The following VPS53 variants were observed in gnomAD, a reference collection of about 807,000 sequenced individuals.
The protein encoded by VPS53 is VPS53 subunit of GARP complex, also known as vacuolar protein sorting-associated protein 53 homolog.
In VPS53, 70 loss-of-function variants were observed where a neutral mutation model predicts 107.0. That is an observed-to-expected ratio of 0.65 (90% CI 0.54 to 0.80). The LOEUF is 0.80. Among genes scored for constraint, VPS53 ranks in the 30% least tolerant of loss-of-function variants. VPS53 has a pLI of 0.00. For synonymous variants in VPS53, 409 were observed against 393.3 expected (o/e 1.04, Z -0.47); for missense variants, 917 against 1,049.4 (o/e 0.87, Z 1.74).
intron 1 of VPS53, among the ~76,000 whole-genome samples, chr17:712,722 A>G (rs1346398545): frequency 6.6e-6 from 1 of 152,232 alleles, no homozygotes; most frequent in Non-Finnish European, 1.5e-5. Context: ...CAAAATAGGA[A>G]AAATGTCAGA....
At chr17:625,995 G>A (rs1302220127) in intron 10 of VPS53, among the ~76,000 whole-genome samples, 4 of 152,060 alleles carry the variant, frequency 2.6e-5, no homozygotes, top group African/African-American at 9.7e-5. Context: ...AGAATAAAAG[G>A]AGTTCAAGAC....
At chr17:671,061 T>C (rs1971918000) in intron 4 of VPS53, among the ~76,000 whole-genome samples, 1 of 151,984 alleles carries the variant, frequency 6.6e-6, no homozygotes, top group South Asian at 2.1e-4. Flanking sequence ...TGAAACCCCG[T>C]CTCTTCTAAA....
chr17:708,483 C>G (rs1408735823), intron 2 of VPS53, among the ~76,000 whole-genome samples: 7 of 152,170 alleles, frequency 4.6e-5, no homozygotes, highest in Non-Finnish European at 1.0e-4. Context: ...ACAGGTGGAA[C>G]ATGAAAGTGG....
At chr17:565,503 GTC>G (rs1913419750) in intron 13 of VPS53, among the ~76,000 whole-genome samples, 1 of 151,840 alleles carries the variant, frequency 6.6e-6, no homozygotes, top group Non-Finnish European at 1.5e-5. Flanking sequence ...CCTAGGCTAA[GTC>G]TCTGTCTGTG....
chr17:651,586 G>T lies in VPS53; in HGVS notation c.608+1705C>A, dbSNP rs1970951078. Reference sequence around the variant, plus strand: ...ATCCTGGGTGACAGAGTGAGACCCTGTCTCTATTTTTTAAAGTCTATGTGT... The same window carrying T: ...ATCCTGGGTGACAGAGTGAGACCCTTTCTCTATTTTTTAAAGTCTATGTGT... On this transcript the variant is annotated intron_variant, in intron 7 of 21. Transcript: ENST00000437048. Among the ~76,000 whole-genome samples the T allele has an allele frequency of 5.3e-5, 8 of 152,306 alleles. No individual in the cohort carries two copies. The South Asian group carries it at 1.7e-3, about 32-fold the overall frequency.
chr17:628,772 T>G (rs888395569), intron 8 of VPS53, among the ~76,000 whole-genome samples: 1 of 152,202 alleles, frequency 6.6e-6, no homozygotes, highest in Non-Finnish European at 1.5e-5. Context: ...GACATGTGTT[T>G]CACAATAGTG....
intron 12 of VPS53, among the ~76,000 whole-genome samples, chr17:586,601 T>A (rs1967333126): frequency 6.6e-6 from 1 of 152,210 alleles, no homozygotes; most frequent in South Asian, 2.1e-4. Flanking sequence ...ATAACATATG[T>A]GTTTTGAATC....
chr17:570,372 C>CA lies in VPS53; in HGVS notation c.1314-7628dup, dbSNP rs57449097. ...GGAATAGAGTGAAACGACTCTGTCT[C>CA]AAAAAAAAAAAAAAAAAAAAAAAGA... On this transcript the variant is annotated intron_variant, in intron 13 of 21. Coordinates refer to ENST00000437048, the MANE Select transcript of VPS53 (RefSeq NM_001128159.3). Among the ~76,000 whole-genome samples, 254 of 90,394 alleles carry CA rather than the reference C, an allele frequency of 2.8e-3. 2 individuals carry two copies. The highest frequency in any genetic ancestry group is 0.015 in the East Asian group (41 of 2,784). The allele number at this position is 90,394 out of a possible 152,430, so 59.3% of individuals were successfully genotyped here. A position where few individuals can be genotyped will look rare whatever the true frequency, so the allele number is the denominator to read the frequency against.
chr17:684,095 G>A (rs1052682833), intron 4 of VPS53, among the ~76,000 whole-genome samples: 1 of 152,140 alleles, frequency 6.6e-6, no homozygotes, highest in Non-Finnish European at 1.5e-5. Context: ...CTGTGATAAA[G>A]ATGCATATTG....
chr17:678,936 C>T (rs999896069), intron 4 of VPS53, among the ~76,000 whole-genome samples: 11 of 145,966 alleles, frequency 7.5e-5, no homozygotes, highest in African/African-American at 2.8e-4. Context: ...ACCGCGCCCC[C>T]GCCATTAAAA....
Position 519,094 on chromosome 17 carries a change from T to C in VPS53, c.*34A>G, listed in dbSNP as rs1908520810. 1 of 1,469,298 alleles carries C rather than the reference T, an allele frequency of 6.8e-7. No individual in the cohort carries two copies. The highest frequency in any genetic ancestry group is 9.0e-7 in the Non-Finnish European group (1 of 1,105,426). The allele number at this position is 1,469,298 out of a possible 1,614,324, so 91.0% of individuals were successfully genotyped here. A position where few individuals can be genotyped will look rare whatever the true frequency, so the allele number is the denominator to read the frequency against. ...GCTTCTGGGGAACGGGCGCTGAGGG[T>C]CTCCAGCCAGGAGCAAAGGGCCCCT... On this transcript the variant is annotated 3_prime_UTR_variant, in exon 22 of 22. Coordinates refer to ENST00000437048, the MANE Select transcript of VPS53 (RefSeq NM_001128159.3). The surrounding 1 kb of genome is among the most constrained non-coding windows in gnomAD (Gnocchi z 5.0).
chr17:527,970 G>A (rs1383941087), intron 19 of VPS53, among the ~76,000 whole-genome samples: 2 of 152,060 alleles, frequency 1.3e-5, no homozygotes, highest in Non-Finnish European at 2.9e-5. Context: ...TGCTTTTAAT[G>A]TTTTGTTTAA....
chr17:548,550 C>G lies in VPS53; in HGVS notation c.1866+3322G>C, dbSNP rs377478027. Among the ~76,000 whole-genome samples the G allele has an allele frequency of 5.2e-5, 6 of 115,984 alleles. No homozygotes were observed. The South Asian group carries it at 1.1e-3, about 21-fold the overall frequency. The allele number at this position is 115,984 out of a possible 152,430, so 76.1% of individuals were successfully genotyped here. A position where few individuals can be genotyped will look rare whatever the true frequency, so the allele number is the denominator to read the frequency against. ...TCTGGAATCATCCAACGACTACACTCCACTTTGGCCAGCCAACAGTCCTTC... is the reference window on the plus strand; with the variant it reads ...TCTGGAATCATCCAACGACTACACTGCACTTTGGCCAGCCAACAGTCCTTC... On this transcript the variant is annotated intron_variant, in intron 17 of 21. Transcript: ENST00000437048.
At position 658,965 on chromosome 17, in the gene VPS53, C is replaced by G. The variant is rs556316403; in HGVS notation, c.372+2844G>C. Among the ~76,000 whole-genome samples the G allele has an allele frequency of 4.7e-4, 72 of 152,106 alleles. 1 individual carries two copies. The South Asian group carries it at 0.015, about 31-fold the overall frequency. On this transcript the variant is annotated intron_variant, in intron 5 of 21. Transcript: ENST00000437048. The stretch of plus-strand genomic sequence containing the variant: ...TTACCTGGATCTTAGCTATAAAAAG[C>G]CTCTTTCATGGGGACTTCCCCATCA...
intron 18 of VPS53, 158 bp downstream of exon 18, chr17:536,870 G>C (rs2151813902): frequency 1.2e-6 from 1 of 847,534 alleles, no homozygotes; most frequent in East Asian, 2.8e-5. Flanking sequence ...GTGTGGGGAG[G>C]TGTCGGTAAT....
At chr17:664,109 C>A (rs1251651623) in intron 4 of VPS53, among the ~76,000 whole-genome samples, 2 of 151,904 alleles carry the variant, frequency 1.3e-5, no homozygotes, top group South Asian at 2.1e-4. Context: ...GATGGAGTCT[C>A]ACTCTGTTGC....
intron 7 of VPS53, among the ~76,000 whole-genome samples, chr17:646,178 C>T (rs1037321180): frequency 1.6e-5 from 2 of 126,154 alleles, no homozygotes; most frequent in Non-Finnish European, 3.5e-5. Context: ...ATTCATACCA[C>T]GGACTGGAGA....
At chr17:654,794 T>C (rs1971117176) in intron 6 of VPS53, among the ~76,000 whole-genome samples, 1 of 151,420 alleles carries the variant, frequency 6.6e-6, no homozygotes, top group African/African-American at 2.4e-5. Context: ...AGCCAAGGTG[T>C]TCCGTTGCTA....
intron 4 of VPS53, among the ~76,000 whole-genome samples, chr17:668,935 T>G (rs761492700): frequency 2.0e-5 from 3 of 152,198 alleles, no homozygotes; most frequent in Non-Finnish European, 4.4e-5. Flanking sequence ...CAATCTTACA[T>G]GTCACAGTCT....
Sources: gnomAD v4.1 joint callset for allele counts (sites outside exome capture counted in the v4.1 genomes callset) on GRCh38, gnomAD v4.1.1 for gene constraint, Gnocchi (gnomAD v3.1) non-coding constraint, MANE v1.5 for transcripts, NCBI Gene and HGNC (gene_info 2026-07-23, HGNC 2026-07-21) for gene names.